RPS6KA5: variants seen among roughly 807,000 people sequenced by gnomAD.
RPS6KA5 encodes ribosomal protein S6 kinase A5, also known as ribosomal protein S6 kinase alpha-5.
Under a neutral mutation model 85.5 loss-of-function variants are expected in RPS6KA5, and 27 were observed. The ratio of observed to expected loss-of-function variants is 0.32; its 90% CI spans 0.23 to 0.44. RPS6KA5 has a LOEUF of 0.44. RPS6KA5 is among the 20% of genes least tolerant of loss of function. The pLI, the probability that RPS6KA5 is intolerant of heterozygous loss-of-function variation, is 1.00. For missense variants in RPS6KA5, 811 were observed against 980.9 expected (o/e 0.83, Z 2.31); for synonymous variants, 334 against 348.2 (o/e 0.96, Z 0.46).
intron 1 of RPS6KA5, among the ~76,000 whole-genome samples, chr14:91,005,740 T>A (rs2040990168): frequency 6.6e-6 from 1 of 152,234 alleles, no homozygotes; most frequent in South Asian, 2.1e-4. Flanking sequence ...CACATTTCTC[T>A]TAATTGTTAA....
At chr14:90,910,685 A>AT (rs202000247) in intron 7 of RPS6KA5, among the ~76,000 whole-genome samples, 18 of 147,674 alleles carry the variant, frequency 1.2e-4, no homozygotes, top group African/African-American at 2.0e-4. Context: ...CATTATTATT[A>AT]TTTTTTTTTT....
intron 13 of RPS6KA5, among the ~76,000 whole-genome samples, chr14:90,893,445 A>T (rs1161043117): frequency 6.6e-6 from 1 of 152,224 alleles, no homozygotes; most frequent in African/African-American, 2.4e-5. Flanking sequence ...ATTTCATTTT[A>T]AAAATTTTCT....
intron 2 of RPS6KA5, among the ~76,000 whole-genome samples, chr14:90,994,964 A>G (rs1290495769): frequency 2.0e-5 from 3 of 152,200 alleles, no homozygotes; most frequent in Admixed American, 6.5e-5. Flanking sequence ...GAAGATTTAC[A>G]TTTGCTTTGC....
intron 3 of RPS6KA5, among the ~76,000 whole-genome samples, chr14:90,965,544 T>C (rs943235733): frequency 1.3e-5 from 2 of 151,936 alleles, no homozygotes; most frequent in African/African-American, 4.8e-5. Flanking sequence ...AGTAATGGGA[T>C]TGTGGGTTTG....
At chr14:90,872,723 T>G (rs2033201798) in intron 16 of RPS6KA5, among the ~76,000 whole-genome samples, 1 of 152,204 alleles carries the variant, frequency 6.6e-6, no homozygotes, top group Admixed American at 6.5e-5. Flanking sequence ...GCAAGCAGAC[T>G]TGACGCATTC....
chr14:90,849,492 C>G lies in RPS6KA5; in HGVS notation c.*22582G>C, dbSNP rs1261276958. 1 of 152,220 alleles carries G rather than the reference C, an allele frequency of 6.6e-6. No individual in the cohort carries two copies. The highest frequency in any genetic ancestry group is 1.5e-5 in the Non-Finnish European group (1 of 68,076). 9.4% of individuals were successfully genotyped at this position (152,220 alleles called of 1,614,324 possible). ...GTGTAAACCTGTCTAAAACAGTGCA[C>G]TTGGTGGCTACATACGGCTAATCGC... On this transcript the variant is annotated 3_prime_UTR_variant, in exon 17 of 17. Transcript: ENST00000614987.
In RPS6KA5 at chr14:90,997,811, G is replaced by A. The variant is rs549604657; in HGVS notation, c.175+3277C>T. 2.2e-3 allele frequency among the ~76,000 whole-genome samples: 332 copies of A among 152,116 alleles called. 1 individual carries two copies. The highest frequency in any genetic ancestry group is 4.3e-3 in the Non-Finnish European group (291 of 67,988). On this transcript the variant is annotated intron_variant, in intron 2 of 16. Transcript: ENST00000614987. Reference sequence around the variant, plus strand: ...AGATCGCCTGAGGTCAGGAGTTCGAGACCAATCTGGCCAACATAGTGAAAC... The same window carrying A: ...AGATCGCCTGAGGTCAGGAGTTCGAAACCAATCTGGCCAACATAGTGAAAC...
chr14:91,054,198 G>A (rs1364904849), intron 1 of RPS6KA5, among the ~76,000 whole-genome samples: 1 of 151,940 alleles, frequency 6.6e-6, no homozygotes, highest in African/African-American at 2.4e-5. Flanking sequence ...ACCTTAAAAT[G>A]GATCAATGAT....
rs1206878827 is a variant in RPS6KA5 at position 90,850,912 on chromosome 14, T to C, written c.*21162A>G. ...TAAACCCACACTCAGACCGACAGTG[T>C]ACACCATAAATTTGTACTAGAACAA... On this transcript the variant is annotated 3_prime_UTR_variant, in exon 17 of 17. Transcript: ENST00000614987. 8 of 152,248 alleles carry C rather than the reference T, an allele frequency of 5.3e-5. No homozygotes were observed. Among genetic ancestry groups the C allele is most frequent in the Non-Finnish European group, 1.2e-4 (8 of 68,044 alleles). The allele number at this position is 152,248 out of a possible 1,614,324, so 9.4% of individuals were successfully genotyped here. A position where few individuals can be genotyped will look rare whatever the true frequency, so the allele number is the denominator to read the frequency against.
rs538445941 is a variant in RPS6KA5, at chr14:90,933,410, G to C, written c.618+9668C>G. On this transcript the variant is annotated intron_variant, in intron 5 of 16. Transcript: ENST00000614987. Reference sequence around the variant, plus strand: ...TGATGGAAATTTCATCCTTCCAGCTGTTCTGGCCAAAAACCTTGGGGCCAC... The same window carrying C: ...TGATGGAAATTTCATCCTTCCAGCTCTTCTGGCCAAAAACCTTGGGGCCAC... Among the ~76,000 whole-genome samples the C allele has an allele frequency of 7.9e-5, 12 of 152,190 alleles. No individual in the cohort carries two copies. The South Asian group carries it at 2.5e-3, about 32-fold the overall frequency.
intron 3 of RPS6KA5, among the ~76,000 whole-genome samples, chr14:90,961,945 T>A (rs2038818819): frequency 6.6e-6 from 1 of 152,248 alleles, no homozygotes; most frequent in African/African-American, 2.4e-5. Context: ...ATAGAAGAGC[T>A]ACATTCATGG....
Position 90,894,507 on chromosome 14 carries a change from C to A in RPS6KA5, c.1550G>T (p.Ser517Ile). 2 of 1,614,158 alleles carry A rather than the reference C, an allele frequency of 1.2e-6. No homozygotes were observed. Among genetic ancestry groups the A allele is most frequent in the Non-Finnish European group, 1.7e-6 (2 of 1,180,032 alleles). The change falls in exon 13 of 17, where the codon AGT (serine) becomes ATT (isoleucine). Residue 517 changes from serine to isoleucine, a missense_variant. Transcript: ENST00000614987. ...FERIKKKKHF[S>I]ETEASYIMRK... Reference sequence around the variant, plus strand: ...CATGATGTAGCTGGCTTCCGTCTCACTGAAGTGCTTCTTTTTCTTAATGCG... The same window carrying A: ...CATGATGTAGCTGGCTTCCGTCTCAATGAAGTGCTTCTTTTTCTTAATGCG...
At position 91,028,619 on chromosome 14, in the gene RPS6KA5, C is replaced by T. The variant is rs545248511; in HGVS notation, c.104-27460G>A. On this transcript the variant is annotated intron_variant, in intron 1 of 16. Coordinates refer to ENST00000614987, the MANE Select transcript of RPS6KA5 (RefSeq NM_004755.4). ...CTGTAAGCTCTGCCTCCCAGGTTCA[C>T]ACCATTCTCCTGCCTCAGCCTTCCA... is the stretch of plus-strand genomic sequence containing the variant. Among the ~76,000 whole-genome samples the T allele has an allele frequency of 3.3e-5, 5 of 152,006 alleles. No homozygotes were observed. In the South Asian group the frequency reaches 6.2e-4, roughly 19 times the overall value.
At chr14:90,994,561 ATTTTTTTTTTTTTTTT>A (rs935828871) in intron 2 of RPS6KA5, among the ~76,000 whole-genome samples, 1 of 61,922 alleles carries the variant, frequency 1.6e-5, no homozygotes, top group Admixed American at 1.7e-4. Flanking sequence ...GATGTTTGTG[ATTTTTTTTTTTTTTTT>A]TTTTTTTTTT....
In RPS6KA5 at chr14:90,850,273, A is replaced by G. The variant is rs2031928351; in HGVS notation, c.*21801T>C. 1 of 152,230 alleles carries G rather than the reference A, an allele frequency of 6.6e-6. No homozygotes were observed. 9.4% of individuals were successfully genotyped at this position (152,230 alleles called of 1,614,324 possible). A position where few individuals can be genotyped will look rare whatever the true frequency, so the allele number is the denominator to read the frequency against. ...GGACCTTTAAATAAGAGATGGTAAT[A>G]AATCCAGCTGCTACAGAATGACAAG... On this transcript the variant is annotated 3_prime_UTR_variant, in exon 17 of 17. Coordinates refer to ENST00000614987, the MANE Select transcript of RPS6KA5 (RefSeq NM_004755.4).
At chr14:90,880,740 G>A (rs887241560) in intron 14 of RPS6KA5, among the ~76,000 whole-genome samples, 2 of 151,372 alleles carry the variant, frequency 1.3e-5, no homozygotes, top group South Asian at 2.1e-4. Flanking sequence ...TACATTAGGT[G>A]TACAAGTGTT....
intron 1 of RPS6KA5, 28 bp downstream of exon 1, chr14:91,060,304 C>G (rs201018267): frequency 4.1e-6 from 5 of 1,223,190 alleles, no homozygotes; most frequent in Non-Finnish European, 5.1e-6. Flanking sequence ...CGCGCCGGGC[C>G]CGGCCGGCAG....
At chr14:90,969,259 AGGGTAAAACAG>A (rs2039212359) in intron 3 of RPS6KA5, among the ~76,000 whole-genome samples, 1 of 152,228 alleles carries the variant, frequency 6.6e-6, no homozygotes. Context: ...AATTAACGTT[AGGGTAAAACAG>A]CACGTGCTCT....
intron 4 of RPS6KA5, among the ~76,000 whole-genome samples, chr14:90,944,525 G>A (rs2037764306): frequency 1.3e-5 from 2 of 152,156 alleles, no homozygotes; most frequent in African/African-American, 4.8e-5. Context: ...GGAGGCCGAG[G>A]TGGGCAGATC....
Sources: allele counts gnomAD v4.1 joint callset (sites outside exome capture counted in the v4.1 genomes callset), GRCh38; gene constraint gnomAD v4.1.1; transcripts MANE v1.5; gene names NCBI Gene and HGNC (gene_info 2026-07-23, HGNC 2026-07-21).